The following NTRK2 variants were observed in gnomAD, a reference collection of about 807,000 sequenced individuals.
NTRK2 encodes the protein neurotrophic receptor tyrosine kinase 2.
Under a neutral mutation model 94.5 loss-of-function variants are expected in NTRK2, and 13 were observed. The observed-to-expected ratio is 0.14, with a 90% CI of 0.09 to 0.22. NTRK2 has a LOEUF of 0.22. Ranked by LOEUF, NTRK2 falls within the 10% of genes least tolerant of loss-of-function variation. The pLI, the probability that NTRK2 is intolerant of heterozygous loss-of-function variation, is 1.00. For missense variants in NTRK2, 639 were observed against 1,071.2 expected (o/e 0.60, Z 5.63); for synonymous variants, 372 against 407.4 (o/e 0.91, Z 1.05).
At chr9:84,877,146 A>C in intron 14 of NTRK2, 4 of 1,064,808 alleles carry the variant, frequency 3.8e-6, no homozygotes, top group Non-Finnish European at 4.6e-6. Context: ...GCCACTTCCT[A>C]CATATTACAT....
At chr9:84,819,323 C>G (rs1027276446) in intron 12 of NTRK2, among the ~76,000 whole-genome samples, 3 of 152,328 alleles carry the variant, frequency 2.0e-5, no homozygotes, top group Non-Finnish European at 4.4e-5. Context: ...AATTTCACCT[C>G]AAGCCCCTTG....
chr9:84,814,956 C>T (rs1222421190), intron 12 of NTRK2: 1 of 1,059,918 alleles, frequency 9.4e-7, no homozygotes, highest in Non-Finnish European at 1.1e-6. Flanking sequence ...CAAACCATGC[C>T]AGGTTCATCT....
intron 12 of NTRK2, among the ~76,000 whole-genome samples, chr9:84,754,868 A>C (rs2064945390): frequency 6.6e-6 from 1 of 152,208 alleles, no homozygotes; most frequent in African/African-American, 2.4e-5. Context: ...GCCCATCCCT[A>C]GCAATGCGTG....
chr9:84,721,932 T>G (rs932315818), intron 6 of NTRK2, among the ~76,000 whole-genome samples: 4 of 152,160 alleles, frequency 2.6e-5, no homozygotes, highest in African/African-American at 9.7e-5. Flanking sequence ...TCAAGGAGAT[T>G]TTTCACTAAG....
At chr9:84,778,928 A>C (rs1304371051) in intron 12 of NTRK2, among the ~76,000 whole-genome samples, 1 of 152,110 alleles carries the variant, frequency 6.6e-6, no homozygotes, top group Non-Finnish European at 1.5e-5. Flanking sequence ...AACTTGCTGC[A>C]CTTAGCCCAC....
chr9:84,876,018 C>G, intron 14 of NTRK2: 2 of 1,027,138 alleles, frequency 1.9e-6, no homozygotes, highest in Non-Finnish European at 2.3e-6. Context: ...ATCCTAGTTT[C>G]TATATATTAT....
At chr9:85,006,251 C>T (rs1314739283) in intron 17 of NTRK2, among the ~76,000 whole-genome samples, 1 of 152,200 alleles carries the variant, frequency 6.6e-6, no homozygotes, top group Non-Finnish European at 1.5e-5. Context: ...TTTAGCTTCT[C>T]CTGACATGAG....
intron 14 of NTRK2, among the ~76,000 whole-genome samples, chr9:84,888,814 AC>A (rs2085923072): frequency 6.6e-6 from 1 of 151,016 alleles, no homozygotes; most frequent in South Asian, 2.1e-4. Context: ...AGTTCACCTG[AC>A]CCCAGAGACC....
chr9:84,825,010 T>C (rs1049617677), intron 12 of NTRK2, among the ~76,000 whole-genome samples: 4 of 151,510 alleles, frequency 2.6e-5, no homozygotes, highest in African/African-American at 9.7e-5. Flanking sequence ...TTTTTTTAAC[T>C]GAGTTCATCA....
intron 14 of NTRK2, among the ~76,000 whole-genome samples, chr9:84,885,905 C>T (rs1005087059): frequency 2.6e-5 from 4 of 152,024 alleles, no homozygotes; most frequent in African/African-American, 9.7e-5. Context: ...GGTGGCGGCG[C>T]CTGTAATCCC....
At chr9:84,759,261 T>A (rs186230259) in intron 12 of NTRK2, among the ~76,000 whole-genome samples, 34 of 152,360 alleles carry the variant, frequency 2.2e-4, no homozygotes, top group African/African-American at 7.5e-4. Context: ...GTCTCTTACT[T>A]CTTTCCCTGC....
chr9:84,804,278 TA>T lies in NTRK2; in HGVS notation c.1396+52202del, dbSNP rs956675876. Reference sequence around the variant, plus strand: ...TGAGGCGCATCAATACCAACCACTTTAAAAAAAAATTTCTCCTCCTCCTCTT... The same window carrying T: ...TGAGGCGCATCAATACCAACCACTTTAAAAAAAATTTCTCCTCCTCCTCTT... On this transcript the variant is annotated intron_variant, in intron 12 of 18. Transcript: ENST00000277120. Among the ~76,000 whole-genome samples the T allele has an allele frequency of 1.3e-3, 192 of 151,794 alleles. 2 individuals carry two copies. Among genetic ancestry groups the T allele is most frequent in the Admixed American group, 3.2e-3 (48 of 15,234 alleles).
intron 14 of NTRK2, among the ~76,000 whole-genome samples, chr9:84,890,317 C>A (rs2076559131): frequency 6.6e-6 from 1 of 152,184 alleles, no homozygotes; most frequent in Admixed American, 6.5e-5. Context: ...ATGGCCGTGA[C>A]CCTTACCGTC....
intron 2 of NTRK2, among the ~76,000 whole-genome samples, chr9:84,693,472 A>T (rs1024385113): frequency 4.6e-5 from 7 of 152,202 alleles, no homozygotes; most frequent in African/African-American, 1.4e-4. Context: ...ACAGAGTGTA[A>T]TTTTTTTCTT....
At chr9:84,871,261 T>C (rs1433055144) in intron 14 of NTRK2, among the ~76,000 whole-genome samples, 2 of 152,150 alleles carry the variant, frequency 1.3e-5, no homozygotes, top group Non-Finnish European at 2.9e-5. Flanking sequence ...TGATATGGGC[T>C]AGTGAGGGCC....
At chr9:84,714,302 C>T (rs570235412) in intron 6 of NTRK2, among the ~76,000 whole-genome samples, 12 of 152,212 alleles carry the variant, frequency 7.9e-5, no homozygotes, top group African/African-American at 2.2e-4. Context: ...CTCTACTTTT[C>T]GGTCCTTTGA....
At chr9:84,856,322 G>A (rs1396151331) in intron 12 of NTRK2, among the ~76,000 whole-genome samples, 1 of 152,128 alleles carries the variant, frequency 6.6e-6, no homozygotes, top group African/African-American at 2.4e-5. Flanking sequence ...ATGTCCTTAA[G>A]TAAAAGATTA....
intron 2 of NTRK2, among the ~76,000 whole-genome samples, chr9:84,674,167 G>A (rs1379686401): frequency 1.3e-5 from 2 of 152,088 alleles, no homozygotes; most frequent in Non-Finnish European, 2.9e-5. Flanking sequence ...CAGTTCAGTA[G>A]TGTTCTGTGT....
intron 12 of NTRK2, among the ~76,000 whole-genome samples, chr9:84,821,356 A>G (rs2072816311): frequency 6.6e-6 from 1 of 152,046 alleles, no homozygotes; most frequent in African/African-American, 2.4e-5. Flanking sequence ...CCCCTATGGA[A>G]TAGGAATACC....
Sources: allele counts gnomAD v4.1 joint callset (sites outside exome capture counted in the v4.1 genomes callset), GRCh38; gene constraint gnomAD v4.1.1; transcripts MANE v1.5; gene names NCBI Gene and HGNC (gene_info 2026-07-23, HGNC 2026-07-21).